SPECC1L: variants seen among roughly 807,000 people sequenced by gnomAD.
The protein encoded by SPECC1L is cytospin-A.
SPECC1L carries 40 observed loss-of-function variants against 116.8 expected under a neutral mutation model. The observed-to-expected ratio is 0.34, with a 90% confidence interval of 0.27 to 0.45. The LOEUF is 0.45. SPECC1L is among the 20% of genes least tolerant of loss of function. SPECC1L has a pLI of 1.00. For synonymous variants in SPECC1L, 504 were observed against 500.6 expected (o/e 1.01, Z -0.09); for missense variants, 1,110 against 1,373.6 (o/e 0.81, Z 3.03).
At chr22:24,320,612 A>G (rs1287469506) in intron 4 of SPECC1L, among the ~76,000 whole-genome samples, 1 of 152,210 alleles carries the variant, frequency 6.6e-6, no homozygotes, top group African/African-American at 2.4e-5. Flanking sequence ...TGATAATAGC[A>G]CCTACCTCAC....
intron 14 of SPECC1L, among the ~76,000 whole-genome samples, chr22:24,410,336 G>A (rs867898167): frequency 1.3e-5 from 2 of 152,216 alleles, no homozygotes; most frequent in Non-Finnish European, 2.9e-5. Context: ...GCAAATTGCA[G>A]AGGTTTTTGA....
At chr22:24,285,122 A>G (rs905744186) in intron 2 of SPECC1L, among the ~76,000 whole-genome samples, 1 of 152,230 alleles carries the variant, frequency 6.6e-6, no homozygotes, top group Non-Finnish European at 1.5e-5. Context: ...GTTGTCTAGA[A>G]GAACCTCTGA....
rs1367324563 is a variant in SPECC1L at position 24,313,434 on chromosome 22, C to A, written c.275C>A (p.Thr92Asn). The A allele has an allele frequency of 6.2e-7, 1 of 1,614,036 alleles. No homozygotes were observed. Among genetic ancestry groups the A allele is most frequent in the Non-Finnish European group, 8.5e-7 (1 of 1,180,040 alleles). ...CCTTCAGCATCTGCCCCTGCCATGA[C>A]CACCGTGGAGAACAAATCCAAGATT... ...AAPSASAPAM[T>N]TVENKSKIST... The change falls in exon 4 of 17, where the codon ACC becomes AAC. Residue 92 changes from threonine to asparagine, a missense_variant. Transcript: ENST00000314328.
intron 14 of SPECC1L, 25 bp downstream of exon 14, chr22:24,369,345 A>G (rs202221041): frequency 1.9e-6 from 3 of 1,570,422 alleles, no homozygotes; most frequent in African/African-American, 1.3e-5. Context: ...CTTTTGTCCC[A>G]TGTGAGTAAT....
At position 24,416,183 on chromosome 22, in the gene SPECC1L, G is replaced by A. The variant is rs1440533043; in HGVS notation, c.*1560G>A. On this transcript the variant is annotated 3_prime_UTR_variant, in exon 17 of 17. Coordinates refer to ENST00000314328, the MANE Select transcript of SPECC1L (RefSeq NM_015330.6). ...CTAGAATGTGGTTATTAGGAAAGGG[G>A]CTGTGCATGTGGGTGCAGCTGGCGG... is the stretch of plus-strand genomic sequence containing the variant. 1 of 152,264 alleles carries A rather than the reference G, an allele frequency of 6.6e-6. No homozygotes were observed. Among genetic ancestry groups the A allele is most frequent in the Non-Finnish European group, 1.5e-5 (1 of 68,060 alleles). The allele number at this position is 152,264 out of a possible 1,614,324, so 9.4% of individuals were successfully genotyped here.
In SPECC1L at chr22:24,316,592, G is replaced by A. The variant is rs372655287; in HGVS notation, c.307+3126G>A. ...ACATGTTTCAGAGAGCACAGGGTTG[G>A]GGGTAAGGTCACAGATCAACAGGAT... is the stretch of plus-strand genomic sequence containing the variant. On this transcript the variant is annotated intron_variant, in intron 4 of 16. Coordinates refer to ENST00000314328, the MANE Select transcript of SPECC1L (RefSeq NM_015330.6). Among the ~76,000 whole-genome samples, 8 of 149,292 alleles carry A rather than the reference G, an allele frequency of 5.4e-5. No individual in the cohort carries two copies. In the East Asian group the frequency reaches 7.9e-4, roughly 15 times the overall value.
chr22:24,394,018 T>C (rs1271558963), intron 14 of SPECC1L, among the ~76,000 whole-genome samples: 1 of 152,236 alleles, frequency 6.6e-6, no homozygotes, highest in East Asian at 1.9e-4. Flanking sequence ...CCGTAGCTCA[T>C]TTCCTTTTTT....
chr22:24,394,149 C>G (rs1163726599), intron 14 of SPECC1L, among the ~76,000 whole-genome samples: 1 of 152,166 alleles, frequency 6.6e-6, no homozygotes, highest in African/African-American at 2.4e-5. Flanking sequence ...TGAACGTTCA[C>G]GTGCAGGTGT....
chr22:24,312,489 T>A (rs1191338150), intron 3 of SPECC1L, among the ~76,000 whole-genome samples: 1 of 152,228 alleles, frequency 6.6e-6, no homozygotes, highest in African/African-American at 2.4e-5. Context: ...GGCTAACTCA[T>A]GCCAAAGAGA....
In SPECC1L at chr22:24,324,415, T is replaced by A; in HGVS notation, c.2134T>A (p.Ser712Thr). 1 of 1,613,618 alleles carries A rather than the reference T, an allele frequency of 6.2e-7. No individual in the cohort carries two copies. Among genetic ancestry groups the A allele is most frequent in the Non-Finnish European group, 8.5e-7 (1 of 1,179,500 alleles). The change falls in exon 6 of 17, where the codon TCT (serine) becomes ACT (threonine). Residue 712 changes from serine to threonine, a missense_variant. Coordinates refer to ENST00000314328, the MANE Select transcript of SPECC1L (RefSeq NM_015330.6). Reference protein sequence around the residue: ...AVKLHDNLIISDLENTVKKLQ... With the variant: ...AVKLHDNLIITDLENTVKKLQ... Reference sequence around the variant, plus strand: ...GAAACTTCATGACAACCTCATTATTTCTGATCTAGAGAGTAAGTGATAAGA... The same window carrying A: ...GAAACTTCATGACAACCTCATTATTACTGATCTAGAGAGTAAGTGATAAGA...
intron 11 of SPECC1L, among the ~76,000 whole-genome samples, chr22:24,355,776 T>G (rs1601600063): frequency 6.6e-6 from 1 of 152,124 alleles, no homozygotes; most frequent in East Asian, 1.9e-4. Flanking sequence ...TAATTTGTCA[T>G]AGTCTGCATT....
intron 2 of SPECC1L, among the ~76,000 whole-genome samples, chr22:24,288,759 G>A (rs1437883158): frequency 6.6e-6 from 1 of 150,720 alleles, no homozygotes; most frequent in African/African-American, 2.4e-5. Flanking sequence ...CTCAGTAGCT[G>A]GAATTACAGG....
At position 24,342,009 on chromosome 22, in the gene SPECC1L, T is replaced by C. The variant is rs529096149; in HGVS notation, c.2652+3532T>C. On this transcript the variant is annotated intron_variant, in intron 10 of 16. Coordinates refer to ENST00000314328, the MANE Select transcript of SPECC1L (RefSeq NM_015330.6). ...AGACCTTGAACCAGAGGCACTCCGC[T>C]AAGCTTTCTGACCCACAGAAACTAT... Among the ~76,000 whole-genome samples the C allele has an allele frequency of 5.3e-5, 8 of 152,360 alleles. No homozygotes were observed. In the South Asian group the frequency reaches 1.2e-3, roughly 24 times the overall value.
At chr22:24,334,601 A>C in intron 9 of SPECC1L, 28 bp downstream of exon 9, 1 of 1,612,796 alleles carries the variant, frequency 6.2e-7, no homozygotes, top group South Asian at 1.1e-5. Context: ...CATTGTGCCT[A>C]CTGCATGCGG....
At chr22:24,377,006 G>GTATT (rs888418664) in intron 14 of SPECC1L, among the ~76,000 whole-genome samples, 7 of 151,762 alleles carry the variant, frequency 4.6e-5, no homozygotes, top group African/African-American at 1.7e-4. Flanking sequence ...ATACCCATTA[G>GTATT]CATTCATTCT....
At chr22:24,286,024 G>A (rs576603894) in intron 2 of SPECC1L, among the ~76,000 whole-genome samples, 1 of 152,326 alleles carries the variant, frequency 6.6e-6, no homozygotes, top group Admixed American at 6.5e-5. Flanking sequence ...AAATAATCAA[G>A]TTACTCATTT....
At chr22:24,376,911 G>GTT (rs565394921) in intron 14 of SPECC1L, among the ~76,000 whole-genome samples, 1 of 142,538 alleles carries the variant, frequency 7.0e-6, no homozygotes, top group South Asian at 2.2e-4. Context: ...GTGGGTTTTT[G>GTT]TTTTTTTTTT....
intron 14 of SPECC1L, among the ~76,000 whole-genome samples, chr22:24,387,170 C>T (rs986982244): frequency 3.9e-5 from 6 of 151,984 alleles, no homozygotes; most frequent in African/African-American, 1.2e-4. Context: ...ATCATTAAGA[C>T]GTAAATGGAT....
rs2048708589 is a variant in SPECC1L, at chr22:24,270,954, G to C, written c.-171G>C. Reference sequence around the variant, plus strand: ...GCTCACCGCCCAGCCCAAACCAGGAGATTGCGAGGGAGCGATGCGGTGCAG... The same window carrying C: ...GCTCACCGCCCAGCCCAAACCAGGACATTGCGAGGGAGCGATGCGGTGCAG... On this transcript the variant is annotated 5_prime_UTR_variant, in exon 1 of 17. Coordinates refer to ENST00000314328, the MANE Select transcript of SPECC1L (RefSeq NM_015330.6). 6.6e-6 allele frequency: 1 copy of C among 152,266 alleles called. No homozygotes were observed. Among genetic ancestry groups the C allele is most frequent in the Admixed American group, 6.5e-5 (1 of 15,288 alleles). The allele number at this position is 152,266 out of a possible 1,614,324, so 9.4% of individuals were successfully genotyped here.
Sources: allele counts gnomAD v4.1 joint callset (sites outside exome capture counted in the v4.1 genomes callset), GRCh38; gene constraint gnomAD v4.1.1; transcripts MANE v1.5; gene names NCBI Gene and HGNC (gene_info 2026-07-23, HGNC 2026-07-21).